Variants in ZFAND4 observed in about 807,000 individuals in gnomAD.
ZFAND4 encodes zinc finger AN1-type containing 4, also known as AN1-type zinc finger protein 4.
In ZFAND4, 43 loss-of-function variants were observed where a neutral mutation model predicts 64.4. That is an observed-to-expected ratio of 0.67 (90% confidence interval 0.52 to 0.86). ZFAND4 has a LOEUF of 0.86. Ranked by LOEUF, ZFAND4 falls within the 40% of genes least tolerant of loss-of-function variation. The probability of loss-of-function intolerance (pLI) is 0.00; values close to 1 mark genes in which losing one functional copy is unlikely to be tolerated. For synonymous variants in ZFAND4, 296 were observed against 305.7 expected, an observed-to-expected ratio of 0.97 and a Z score of 0.33; for missense variants, 929 against 859.8, an observed-to-expected ratio of 1.08 and a Z score of -1.01.
intron 9 of ZFAND4, among the ~76,000 whole-genome samples, chr10:45,617,591 G>GAAAAAA (rs11362238): frequency 7.0e-5 from 5 of 71,064 alleles, no homozygotes; most frequent in East Asian, 4.2e-4. Flanking sequence ...TTACAGTACT[G>GAAAAAA]AAAAAAAAAA....
rs2044922172 is a variant in ZFAND4 at position 45,616,065 on chromosome 10, T to A, written c.*371A>T. 5.7e-6 allele frequency: 1 copy of A among 174,874 alleles called. No homozygotes were observed. 10.8% of individuals were successfully genotyped at this position (174,874 alleles called of 1,614,324 possible). ...GGTCAATCTGAGTAGAGCCATTCAT[T>A]ACATGACTGCTCATTCTGTACAATG... On this transcript the variant is annotated 3_prime_UTR_variant, in exon 10 of 10. Transcript: ENST00000344646.
chr10:45,652,149 G>C (rs920764099), intron 3 of ZFAND4, 116 bp from the exon 4 acceptor site: 2 of 873,428 alleles, frequency 2.3e-6, no homozygotes, highest in African/African-American at 1.7e-5. Flanking sequence ...AATATAAAAA[G>C]ATATAGCAAT....
At chr10:45,647,303 C>T (rs1363044111) in intron 5 of ZFAND4, among the ~76,000 whole-genome samples, 1 of 152,102 alleles carries the variant, frequency 6.6e-6, no homozygotes, top group African/African-American at 2.4e-5. Flanking sequence ...ATTCTCCTCC[C>T]CAGTCAAGCC....
At chr10:45,643,071 C>G (rs1417614259) in intron 5 of ZFAND4, among the ~76,000 whole-genome samples, 1 of 151,534 alleles carries the variant, frequency 6.6e-6, no homozygotes, top group Non-Finnish European at 1.5e-5. Context: ...CAGGCATGCA[C>G]CATCACGCCC....
intron 7 of ZFAND4, 103 bp downstream of exon 7, chr10:45,625,848 C>G: frequency 2.8e-6 from 3 of 1,075,182 alleles, no homozygotes; most frequent in Non-Finnish European, 3.9e-6. Context: ...TGAAAATAAT[C>G]TAATCTTAGC....
chr10:45,632,085 T>C (rs1417756628), intron 6 of ZFAND4, among the ~76,000 whole-genome samples: 23 of 152,180 alleles, frequency 1.5e-4, no homozygotes, highest in Non-Finnish European at 8.8e-5. Context: ...CCGGGCATGG[T>C]GGCTCATGCC....
At chr10:45,620,406 G>A (rs529407524) in intron 8 of ZFAND4, among the ~76,000 whole-genome samples, 13 of 152,192 alleles carry the variant, frequency 8.5e-5, no homozygotes, top group Admixed American at 2.0e-4. Context: ...ACTTCAACCC[G>A]CGAGGAAGAG....
intron 2 of ZFAND4, among the ~76,000 whole-genome samples, chr10:45,660,804 T>A (rs1041389546): frequency 1.3e-5 from 2 of 152,188 alleles, no homozygotes; most frequent in Non-Finnish European, 2.9e-5. Context: ...CAACTTAGAA[T>A]TCTATACCCT....
At chr10:45,654,216 C>T (rs776368137) in intron 2 of ZFAND4, among the ~76,000 whole-genome samples, 2 of 152,300 alleles carry the variant, frequency 1.3e-5, no homozygotes, top group South Asian at 4.1e-4. Context: ...GAGTACTATG[C>T]TCACATCCTG....
chr10:45,663,409 GA>G (rs2048604668), intron 2 of ZFAND4, 132 bp downstream of exon 2: 2 of 640,376 alleles, frequency 3.1e-6, no homozygotes, highest in East Asian at 6.0e-5. Flanking sequence ...GAGGGAGTAG[GA>G]GGGGGTTCAT....
chr10:45,665,670 A>C (rs2048779839), intron 1 of ZFAND4, among the ~76,000 whole-genome samples: 1 of 152,250 alleles, frequency 6.6e-6, no homozygotes, highest in Admixed American at 6.5e-5. Flanking sequence ...TTTGCTTTAG[A>C]AAATTTTCAT....
At chr10:45,638,510 C>A (rs1354535392) in intron 6 of ZFAND4, among the ~76,000 whole-genome samples, 1 of 150,964 alleles carries the variant, frequency 6.6e-6, no homozygotes, top group Non-Finnish European at 1.5e-5. Flanking sequence ...AACAAAAAAA[C>A]AAAAAAACCA....
intron 5 of ZFAND4, chr10:45,640,452 C>G: frequency 2.5e-6 from 3 of 1,179,290 alleles, no homozygotes; most frequent in South Asian, 1.4e-5. Context: ...AGAATTCATA[C>G]ACAGGTGTCA....
At chr10:45,635,071 G>A (rs764284166) in intron 6 of ZFAND4, among the ~76,000 whole-genome samples, 39 of 150,808 alleles carry the variant, frequency 2.6e-4, no homozygotes, top group Non-Finnish European at 4.6e-4. Context: ...ACTGCCCAAC[G>A]CAATCTACAA....
intron 8 of ZFAND4, among the ~76,000 whole-genome samples, chr10:45,620,286 G>C (rs1273450535): frequency 1.3e-5 from 2 of 152,140 alleles, no homozygotes; most frequent in Non-Finnish European, 1.5e-5. Context: ...TTCAAGACCA[G>C]TCAGGCCAAC....
intron 6 of ZFAND4, among the ~76,000 whole-genome samples, chr10:45,635,733 C>T (rs2046555039): frequency 6.6e-6 from 1 of 152,150 alleles, no homozygotes; most frequent in Admixed American, 6.5e-5. Flanking sequence ...TATTATCCAG[C>T]CTTAAAAAGG....
At chr10:45,653,490 T>C (rs555572005) in intron 2 of ZFAND4, among the ~76,000 whole-genome samples, 3 of 151,742 alleles carry the variant, frequency 2.0e-5, no homozygotes, top group Non-Finnish European at 4.4e-5. Flanking sequence ...ACAACCCCAT[T>C]AAAAAATGGG....
rs562055328 is a variant in ZFAND4, at chr10:45,646,825, G to A, written c.569+1469C>T. ...CTGGTATGAAGACATTCTATTAATG[G>A]CCTAAGGCTGTAACCCTCACTGCTA... On this transcript the variant is annotated intron_variant, in intron 5 of 9. Coordinates refer to ENST00000344646, the MANE Select transcript of ZFAND4 (RefSeq NM_174890.4). Among the ~76,000 whole-genome samples, 9 of 152,246 alleles carry A rather than the reference G, an allele frequency of 5.9e-5. No homozygotes were observed. The East Asian group carries it at 1.7e-3, about 29-fold the overall frequency.
At chr10:45,623,963 C>A (rs560240977) in intron 8 of ZFAND4, among the ~76,000 whole-genome samples, 1 of 152,310 alleles carries the variant, frequency 6.6e-6, no homozygotes, top group South Asian at 2.1e-4. Flanking sequence ...AAAGGTGGCA[C>A]ATCTTTGGTA....
Sources: allele counts gnomAD v4.1 joint callset (sites outside exome capture counted in the v4.1 genomes callset), GRCh38; gene constraint gnomAD v4.1.1; transcripts MANE v1.5; gene names NCBI Gene and HGNC (gene_info 2026-07-23, HGNC 2026-07-21).